The following LRRC4C variants were observed in gnomAD, a reference collection of about 807,000 sequenced individuals.
The protein encoded by LRRC4C is leucine rich repeat containing 4C.
LRRC4C carries 5 observed loss-of-function variants against 33.6 expected under a neutral mutation model. The ratio of observed to expected loss-of-function variants is 0.15; its 90% CI spans 0.08 to 0.31. The LOEUF is 0.31. Among genes scored for constraint, LRRC4C ranks in the 10% least tolerant of loss-of-function variants. The pLI is 1.00. For synonymous variants in LRRC4C, 329 were observed against 302.0 expected, an observed-to-expected ratio of 1.09 and a Z score of -0.93; for missense variants, 560 against 796.7, an observed-to-expected ratio of 0.70 and a Z score of 3.58.
intron 2 of LRRC4C, among the ~76,000 whole-genome samples, chr11:40,734,041 A>G (rs888914956): frequency 3.9e-5 from 6 of 152,184 alleles, no homozygotes; most frequent in African/African-American, 1.4e-4. Flanking sequence ...TTAGAACAGC[A>G]ATTATGATTT....
chr11:40,452,928 A>C (rs575780894), intron 3 of LRRC4C, among the ~76,000 whole-genome samples: 19 of 152,014 alleles, frequency 1.2e-4, no homozygotes, highest in African/African-American at 4.1e-4. Context: ...AACTATCGCA[A>C]GGATAAGAAA....
intron 2 of LRRC4C, among the ~76,000 whole-genome samples, chr11:40,883,011 T>C (rs1955261031): frequency 6.6e-6 from 1 of 152,064 alleles, no homozygotes; most frequent in South Asian, 2.1e-4. Context: ...GTCTGAGGTA[T>C]GGGGACCAAG....
At chr11:40,252,012 A>T (rs1298986209) in intron 4 of LRRC4C, among the ~76,000 whole-genome samples, 2 of 152,110 alleles carry the variant, frequency 1.3e-5, no homozygotes, top group Non-Finnish European at 2.9e-5. Context: ...TATTCTATGC[A>T]TTTACCTATT....
intron 1 of LRRC4C, among the ~76,000 whole-genome samples, chr11:40,996,032 G>T (rs1418876677): frequency 6.6e-6 from 1 of 152,092 alleles, no homozygotes; most frequent in African/African-American, 2.4e-5. Context: ...TTATTACATA[G>T]TTCCACTGTT....
chr11:41,180,133 C>A (rs1431659948), intron 1 of LRRC4C, among the ~76,000 whole-genome samples: 1 of 152,010 alleles, frequency 6.6e-6, no homozygotes, highest in Non-Finnish European at 1.5e-5. Flanking sequence ...TCAGATAGAT[C>A]TAAAAACACA....
chr11:41,082,461 A>AGTTCCTCTT (rs1361639026), intron 1 of LRRC4C, among the ~76,000 whole-genome samples: 1 of 143,682 alleles, frequency 7.0e-6, no homozygotes, highest in African/African-American at 2.6e-5. Flanking sequence ...GGAGCTGGTG[A>AGTTCCTCTT]AATCTTAGAG....
chr11:40,553,610 T>C (rs756976642), intron 3 of LRRC4C, among the ~76,000 whole-genome samples: 5 of 152,182 alleles, frequency 3.3e-5, no homozygotes, highest in Non-Finnish European at 7.4e-5. Context: ...TTTTTAATGA[T>C]AGCCATTCTG....
At chr11:40,616,868 A>G (rs1019031062) in intron 3 of LRRC4C, among the ~76,000 whole-genome samples, 1 of 151,552 alleles carries the variant, frequency 6.6e-6, no homozygotes, top group Non-Finnish European at 1.5e-5. Flanking sequence ...TATGTAACAA[A>G]CCTGCACATT....
chr11:40,750,793 A>G (rs1009289777), intron 2 of LRRC4C, among the ~76,000 whole-genome samples: 5 of 135,606 alleles, frequency 3.7e-5, no homozygotes, highest in Non-Finnish European at 8.0e-5. Context: ...CCTAAAGCTT[A>G]AAGTATAATA....
At chr11:40,745,051 TG>T (rs1948349314) in intron 2 of LRRC4C, among the ~76,000 whole-genome samples, 1 of 152,116 alleles carries the variant, frequency 6.6e-6, no homozygotes, top group South Asian at 2.1e-4. Context: ...ACTAAGCAAA[TG>T]GTAAAGTATT....
chr11:41,404,745 A>T (rs1954165086), intron 1 of LRRC4C, among the ~76,000 whole-genome samples: 1 of 152,038 alleles, frequency 6.6e-6, no homozygotes, highest in Non-Finnish European at 1.5e-5. Flanking sequence ...TACTTTTCAC[A>T]TTAAGTTAGT....
chr11:40,631,714 C>A (rs545704215), intron 3 of LRRC4C, among the ~76,000 whole-genome samples: 1 of 152,060 alleles, frequency 6.6e-6, no homozygotes, highest in South Asian at 2.1e-4. Context: ...CTTGGAATAG[C>A]GCTCTGCAAA....
chr11:40,365,177 T>C (rs1338182097), intron 3 of LRRC4C, among the ~76,000 whole-genome samples: 2 of 151,704 alleles, frequency 1.3e-5, no homozygotes, highest in Admixed American at 1.3e-4. Flanking sequence ...TTTAGAAACA[T>C]TCCATAAGAT....
intron 2 of LRRC4C, among the ~76,000 whole-genome samples, chr11:40,894,758 TCACCTATCGACAGTC>T (rs1955863148): frequency 6.6e-6 from 1 of 152,128 alleles, no homozygotes; most frequent in South Asian, 2.1e-4. Context: ...TCCCTTCTCT[TCACCTATCGACAGTC>T]CACCCATAAT....
chr11:41,425,258 C>T (rs531513812), intron 1 of LRRC4C, among the ~76,000 whole-genome samples: 32 of 152,078 alleles, frequency 2.1e-4, no homozygotes, highest in Non-Finnish European at 2.5e-4. Flanking sequence ...TTTAGGCACC[C>T]GAACCTGAGA....
At chr11:41,030,742 A>T (rs10768659) in intron 1 of LRRC4C, among the ~76,000 whole-genome samples, 2 of 151,632 alleles carry the variant, frequency 1.3e-5, no homozygotes, top group Admixed American at 6.6e-5. Context: ...ACAAAACCAA[A>T]ATCAGAATAT....
At chr11:40,871,175 G>T (rs551117370) in intron 2 of LRRC4C, among the ~76,000 whole-genome samples, 2 of 152,026 alleles carry the variant, frequency 1.3e-5, no homozygotes, top group South Asian at 4.1e-4. Flanking sequence ...ATGAAAATGC[G>T]TGCCAGAAAC....
In LRRC4C at chr11:40,979,782, CT is replaced by C. The variant is rs1157286226; in HGVS notation, c.-495-46060del. ...TCACCTAATGAAACATATTCCTTGTCTGGACCACATACAATGAGATTTTCAA... is the reference window on the plus strand; with the variant it reads ...TCACCTAATGAAACATATTCCTTGTCGGACCACATACAATGAGATTTTCAA... On this transcript the variant is annotated intron_variant, in intron 1 of 6. Transcript: ENST00000528697. 2.0e-5 allele frequency among the ~76,000 whole-genome samples: 3 copies of C among 152,150 alleles called. No homozygotes were observed. In the East Asian group the frequency reaches 5.8e-4, roughly 29 times the overall value.
At chr11:40,913,504 A>G (rs1013115307) in intron 2 of LRRC4C, among the ~76,000 whole-genome samples, 21 of 152,172 alleles carry the variant, frequency 1.4e-4, no homozygotes, top group Non-Finnish European at 2.5e-4. Context: ...ACCAACGAGA[A>G]CAAAGACACA....
Sources: gnomAD v4.1 joint callset for allele counts (sites outside exome capture counted in the v4.1 genomes callset) on GRCh38, gnomAD v4.1.1 for gene constraint, MANE v1.5 for transcripts, NCBI Gene and HGNC (gene_info 2026-07-23, HGNC 2026-07-21) for gene names.